NRXN3: variants seen among roughly 807,000 people sequenced by gnomAD.
NRXN3 encodes neurexin 3.
Under a neutral mutation model 137.6 loss-of-function variants are expected in NRXN3, and 32 were observed. The ratio of observed to expected loss-of-function variants is 0.23; its 90% CI spans 0.18 to 0.31. The LOEUF is 0.31. Among genes scored for constraint, NRXN3 ranks in the 10% least tolerant of loss-of-function variants. The probability of loss-of-function intolerance (pLI) is 1.00; values close to 1 mark genes in which losing one functional copy is unlikely to be tolerated. For synonymous variants in NRXN3, 798 were observed against 784.5 expected, an observed-to-expected ratio of 1.02 and a Z score of -0.29; for missense variants, 1,574 against 2,062.5, an observed-to-expected ratio of 0.76 and a Z score of 4.59.
chr14:79,159,054 A>G (rs2060514277), intron 15 of NRXN3, among the ~76,000 whole-genome samples: 1 of 151,764 alleles, frequency 6.6e-6, no homozygotes, highest in Non-Finnish European at 1.5e-5. Flanking sequence ...TGTGGTTTGC[A>G]AAAGCTTTGG....
At chr14:79,307,180 C>T (rs573192393) in intron 15 of NRXN3, among the ~76,000 whole-genome samples, 1 of 152,154 alleles carries the variant, frequency 6.6e-6, no homozygotes, top group African/African-American at 2.4e-5. Flanking sequence ...TTTATTACTA[C>T]TATCCTAATT....
intron 8 of NRXN3, among the ~76,000 whole-genome samples, chr14:78,754,425 C>T (rs952846147): frequency 2.0e-5 from 3 of 152,178 alleles, no homozygotes; most frequent in Non-Finnish European, 4.4e-5. Flanking sequence ...TTTCTTTCTA[C>T]CACACAGGCT....
chr14:78,866,954 T>C (rs538177131), intron 10 of NRXN3, among the ~76,000 whole-genome samples: 1 of 151,936 alleles, frequency 6.6e-6, no homozygotes, highest in African/African-American at 2.4e-5. Flanking sequence ...CACACCACCA[T>C]GCCCGGCTAA....
intron 16 of NRXN3, among the ~76,000 whole-genome samples, chr14:79,527,484 TTAC>T (rs1218660122): frequency 6.6e-6 from 1 of 151,944 alleles, no homozygotes; most frequent in African/African-American, 2.4e-5. Flanking sequence ...ATAAAAAATA[TTAC>T]GCTGTTATGA....
At chr14:78,696,305 A>G (rs564864631) in intron 6 of NRXN3, among the ~76,000 whole-genome samples, 12 of 152,138 alleles carry the variant, frequency 7.9e-5, no homozygotes, top group African/African-American at 2.9e-4. Flanking sequence ...TTAGGTAGAT[A>G]ATAAAATCTC....
chr14:79,232,638 C>A (rs1465557471), intron 15 of NRXN3, among the ~76,000 whole-genome samples: 1 of 152,038 alleles, frequency 6.6e-6, no homozygotes, highest in Non-Finnish European at 1.5e-5. Context: ...ATTTCAGGTA[C>A]CACATCAGAA....
intron 4 of NRXN3, among the ~76,000 whole-genome samples, chr14:78,324,697 T>C (rs2079831461): frequency 6.6e-6 from 1 of 152,002 alleles, no homozygotes; most frequent in South Asian, 2.1e-4. Flanking sequence ...AAGTATGCAG[T>C]GGATGTAATA....
chr14:78,180,826 A>T (rs2059743885), intron 1 of NRXN3, among the ~76,000 whole-genome samples: 1 of 152,192 alleles, frequency 6.6e-6, no homozygotes, highest in Non-Finnish European at 1.5e-5. Context: ...CTGGTGGAGA[A>T]AAGCCTGTTT....
intron 2 of NRXN3, among the ~76,000 whole-genome samples, chr14:78,251,882 G>A (rs77963225): frequency 0.022 from 3,370 of 152,258 alleles, 67 homozygotes; most frequent in Non-Finnish European, 0.033. Flanking sequence ...AGGGGGAGTG[G>A]GGGGTTTGCT....
intron 10 of NRXN3, among the ~76,000 whole-genome samples, chr14:78,889,262 T>G (rs2099152413): frequency 6.6e-6 from 1 of 151,968 alleles, no homozygotes. Context: ...CTTTAAAATT[T>G]TATTATCCAT....
intron 8 of NRXN3, among the ~76,000 whole-genome samples, chr14:78,765,500 C>T (rs551535514): frequency 6.6e-6 from 1 of 152,202 alleles, no homozygotes; most frequent in East Asian, 1.9e-4. Flanking sequence ...AATTGCTTCT[C>T]TTGGAAGCTA....
intron 16 of NRXN3, among the ~76,000 whole-genome samples, chr14:79,596,218 A>G (rs536678609): frequency 6.6e-6 from 1 of 152,192 alleles, no homozygotes; most frequent in Admixed American, 6.5e-5. Context: ...GATAGTTGAG[A>G]AAGGTCATTA....
chr14:79,661,358 C>T (rs1253134536), intron 16 of NRXN3, among the ~76,000 whole-genome samples: 3 of 152,100 alleles, frequency 2.0e-5, no homozygotes, highest in Admixed American at 2.0e-4. Context: ...ATCTCTGCAT[C>T]CTTGAATGCT....
At chr14:78,472,851 A>G (rs2095302951) in intron 4 of NRXN3, among the ~76,000 whole-genome samples, 1 of 151,980 alleles carries the variant, frequency 6.6e-6, no homozygotes, top group South Asian at 2.1e-4. Context: ...TCTCTAAACA[A>G]TAGGTGACTC....
rs1392159032 is a variant in NRXN3 at position 78,660,257 on chromosome 14, A to G, written c.1221+8931A>G. 2.0e-5 allele frequency among the ~76,000 whole-genome samples: 3 copies of G among 149,018 alleles called. 1 individual carries two copies. The highest frequency in any genetic ancestry group is 1.3e-4 in the Admixed American group (2 of 15,060). On this transcript the variant is annotated intron_variant, in intron 6 of 20. Coordinates refer to ENST00000335750, the MANE Select transcript of NRXN3 (RefSeq NM_001330195.2). Reference sequence around the variant, plus strand: ...GTTGTTGATGAAGAAGTAGATTTATATATATATATATATATATATTTGGCA... The same window carrying G: ...GTTGTTGATGAAGAAGTAGATTTATGTATATATATATATATATATTTGGCA...
chr14:79,701,860 T>C (rs1020337369), intron 19 of NRXN3, among the ~76,000 whole-genome samples: 25 of 152,178 alleles, frequency 1.6e-4, no homozygotes, highest in African/African-American at 5.8e-4. Context: ...TATATGATTG[T>C]CATAAGGATA....
At chr14:79,802,207 G>A (rs1258686516) in intron 19 of NRXN3, among the ~76,000 whole-genome samples, 2 of 151,950 alleles carry the variant, frequency 1.3e-5, no homozygotes, top group Non-Finnish European at 2.9e-5. Context: ...AAACTTTATT[G>A]CCAGGCTTTC....
chr14:78,431,680 A>G (rs2093884171), intron 4 of NRXN3, among the ~76,000 whole-genome samples: 1 of 151,652 alleles, frequency 6.6e-6, no homozygotes, highest in Admixed American at 6.6e-5. Context: ...TGTAGACCTC[A>G]CGGATGCTTA....
chr14:78,998,278 T>C (rs938033672), intron 15 of NRXN3, among the ~76,000 whole-genome samples: 2 of 152,180 alleles, frequency 1.3e-5, no homozygotes, highest in Non-Finnish European at 2.9e-5. Context: ...ACCTTTGCAC[T>C]GTGAGATTAG....
Sources: gnomAD v4.1 joint callset for allele counts (sites outside exome capture counted in the v4.1 genomes callset) on GRCh38, gnomAD v4.1.1 for gene constraint, MANE v1.5 for transcripts, NCBI Gene and HGNC (gene_info 2026-07-23, HGNC 2026-07-21) for gene names.